The following DCDC1 variants were observed in gnomAD, a reference collection of about 807,000 sequenced individuals.
DCDC1 encodes doublecortin domain containing 1, also known as doublecortin domain-containing protein 1.
Under a neutral mutation model 178.3 loss-of-function variants are expected in DCDC1, and 200 were observed. The ratio of observed to expected loss-of-function variants is 1.12; its 90% confidence interval spans 1.00 to 1.26. The LOEUF is 1.26. DCDC1 is among the 50% of genes most tolerant of loss of function. The probability of loss-of-function intolerance (pLI) is 0.00; values close to 1 mark genes in which losing one functional copy is unlikely to be tolerated. For missense variants in DCDC1, 1,983 were observed against 1,749.2 expected (o/e 1.13, Z -2.38); for synonymous variants, 690 against 604.8 (o/e 1.14, Z -2.07).
At chr11:31,121,526 A>G (rs1486364283) in intron 11 of DCDC1, among the ~76,000 whole-genome samples, 2 of 150,518 alleles carry the variant, frequency 1.3e-5, no homozygotes, top group African/African-American at 4.9e-5. Flanking sequence ...TTAAGAGGTG[A>G]TTTTCTAACG....
At chr11:30,989,717 C>A (rs970105374) in intron 20 of DCDC1, among the ~76,000 whole-genome samples, 2 of 152,152 alleles carry the variant, frequency 1.3e-5, no homozygotes, top group Non-Finnish European at 2.9e-5. Context: ...AAAGCATCCT[C>A]TTTAAATAAT....
Position 30,991,357 on chromosome 11 carries a change from G to A in DCDC1, c.2592-38789C>T, listed in dbSNP as rs117610439. ...ATAAATAAAAAGACAGAGACAAAGG[G>A]GTCCCATGCAAGGTCACCAGGCTTA... On this transcript the variant is annotated intron_variant, in intron 20 of 38. Transcript: ENST00000684477. 7.0e-3 allele frequency among the ~76,000 whole-genome samples: 1,059 copies of A among 152,096 alleles called. 8 individuals carry two copies. Among genetic ancestry groups the A allele is most frequent in the Admixed American group, 0.011 (170 of 15,264 alleles).
chr11:31,072,482 C>T (rs1487669059), intron 18 of DCDC1, among the ~76,000 whole-genome samples: 1 of 151,898 alleles, frequency 6.6e-6, no homozygotes, highest in African/African-American at 2.4e-5. Flanking sequence ...TGGATTCTCC[C>T]TTTGTTTGCA....
At chr11:31,211,011 T>C (rs138057238) in intron 9 of DCDC1, among the ~76,000 whole-genome samples, 1 of 152,294 alleles carries the variant, frequency 6.6e-6, no homozygotes, top group Non-Finnish European at 1.5e-5. Flanking sequence ...TGAAGAAGGC[T>C]ATTTTGCAAG....
intron 9 of DCDC1, among the ~76,000 whole-genome samples, chr11:31,228,678 G>T (rs1975335199): frequency 6.6e-6 from 1 of 152,012 alleles, no homozygotes; most frequent in African/African-American, 2.4e-5. Context: ...AGTAAAAAAT[G>T]AGAGGTTAGA....
In DCDC1 at chr11:31,290,633, T is replaced by A. The variant is rs1287913053; in HGVS notation, c.960+14A>T. The A allele has an allele frequency of 4.4e-6, 7 of 1,593,042 alleles. No individual in the cohort carries two copies. Among genetic ancestry groups the A allele is most frequent in the Non-Finnish European group, 5.1e-6 (6 of 1,172,960 alleles). On this transcript the variant is annotated intron_variant, in intron 7 of 38. Coordinates refer to ENST00000684477, the MANE Select transcript of DCDC1 (RefSeq NM_001387274.1). ...GAAATTAAATTCATAGTTCAATATTTAATTAAAAATTACCTTTTTCATTGT... is the reference window on the plus strand; with the variant it reads ...GAAATTAAATTCATAGTTCAATATTAAATTAAAAATTACCTTTTTCATTGT...
intron 1 of DCDC1, among the ~76,000 whole-genome samples, chr11:31,337,869 T>C (rs1437149494): frequency 6.6e-6 from 1 of 152,186 alleles, no homozygotes; most frequent in African/African-American, 2.4e-5. Flanking sequence ...GGATTAGCTA[T>C]AGACTGGAAG....
rs116799778 is a variant in DCDC1, at chr11:31,123,335, G to C, written c.1485+4134C>G. Among the ~76,000 whole-genome samples the C allele has an allele frequency of 8.2e-3, 1,242 of 152,060 alleles. 13 individuals are homozygous for C. The highest frequency in any genetic ancestry group is 0.029 in the African/African-American group (1,184 of 41,502). On this transcript the variant is annotated intron_variant, in intron 11 of 38. Coordinates refer to ENST00000684477, the MANE Select transcript of DCDC1 (RefSeq NM_001387274.1). ...AGGTCTAAATAACTTCAAGAGAATA[G>C]GTAATAGTAAAATGTAATTTAAAAA...
At chr11:31,033,669 C>T (rs1434897589) in intron 20 of DCDC1, among the ~76,000 whole-genome samples, 1 of 152,072 alleles carries the variant, frequency 6.6e-6, no homozygotes, top group Non-Finnish European at 1.5e-5. Context: ...AATAGTTATG[C>T]ACTTTATAAC....
At chr11:30,904,744 A>T in intron 31 of DCDC1, 1 of 589,628 alleles carries the variant, frequency 1.7e-6, no homozygotes, top group South Asian at 2.2e-5. Context: ...CAATCTAAAA[A>T]CTGAATTCTG....
rs763632149 is a variant in DCDC1 at position 30,911,392 on chromosome 11, G to C, written c.3682C>G (p.Leu1228Val). 1 of 1,603,516 alleles carries C rather than the reference G, an allele frequency of 6.2e-7. No homozygotes were observed. Among genetic ancestry groups the C allele is most frequent in the East Asian group, 2.2e-5 (1 of 44,590 alleles). ...TTGGTCATAGACACTGCCAGCACAA[G>C]GTCAGGGTTACTCACAAGGTGAAAG... Reference protein sequence around the residue: ...RTFHLVSNPDLVLAVSMTKTR... With the variant: ...RTFHLVSNPDVVLAVSMTKTR... The change falls in exon 28 of 39, where the codon CTT becomes GTT. Residue 1228 changes from leucine (L) to valine (V), a missense_variant. Leu to Val is a conservative substitution (Grantham distance 32). Transcript: ENST00000684477.
intron 9 of DCDC1, among the ~76,000 whole-genome samples, chr11:31,199,492 T>C (rs534566949): frequency 6.6e-6 from 1 of 152,176 alleles, no homozygotes; most frequent in Non-Finnish European, 1.5e-5. Context: ...TTAACAGAAA[T>C]ATAAGGCAAG....
intron 36 of DCDC1, among the ~76,000 whole-genome samples, chr11:30,885,736 A>G (rs1943108636): frequency 6.6e-6 from 1 of 152,144 alleles, no homozygotes; most frequent in Non-Finnish European, 1.5e-5. Flanking sequence ...CTCAATATCT[A>G]CCTATGGGAG....
At chr11:30,961,384 A>T (rs1005924431) in intron 20 of DCDC1, among the ~76,000 whole-genome samples, 1 of 152,118 alleles carries the variant, frequency 6.6e-6, no homozygotes, top group East Asian at 1.9e-4. Flanking sequence ...TATCATTTGG[A>T]TCTGGTACAG....
chr11:31,144,858 GC>G (rs1964269184), intron 9 of DCDC1, among the ~76,000 whole-genome samples: 1 of 151,868 alleles, frequency 6.6e-6, no homozygotes, highest in Admixed American at 6.6e-5. Context: ...GTATATTGTT[GC>G]TTTTGATGTT....
intron 9 of DCDC1, among the ~76,000 whole-genome samples, chr11:31,201,212 C>T (rs577786115): frequency 4.7e-4 from 72 of 151,970 alleles, no homozygotes; most frequent in South Asian, 1.0e-3. Context: ...TTTGTATATA[C>T]TTATTATTTT....
chr11:31,032,599 A>C (rs2135285702), intron 20 of DCDC1, among the ~76,000 whole-genome samples: 1 of 152,310 alleles, frequency 6.6e-6, no homozygotes. Context: ...GAGACAGTGT[A>C]AATGAAAATG....
At chr11:31,192,284 A>G (rs987292372) in intron 9 of DCDC1, among the ~76,000 whole-genome samples, 1 of 152,104 alleles carries the variant, frequency 6.6e-6, no homozygotes, top group African/African-American at 2.4e-5. Flanking sequence ...GTTCAAATCT[A>G]ATCCCATCAT....
chr11:31,279,555 T>C (rs1487125876), intron 7 of DCDC1, among the ~76,000 whole-genome samples: 2 of 152,114 alleles, frequency 1.3e-5, no homozygotes, highest in Non-Finnish European at 2.9e-5. Context: ...TGGAACACTA[T>C]GCAGCCATAA....
Sources: allele counts gnomAD v4.1 joint callset (sites outside exome capture counted in the v4.1 genomes callset), GRCh38; gene constraint gnomAD v4.1.1; transcripts MANE v1.5; gene names NCBI Gene and HGNC (gene_info 2026-07-23, HGNC 2026-07-21).